Variants in PTPRD observed in about 807,000 individuals in gnomAD.
PTPRD encodes the protein receptor-type tyrosine-protein phosphatase delta.
PTPRD carries 34 observed loss-of-function variants against 214.5 expected under a neutral mutation model. That is an observed-to-expected ratio of 0.16 (90% CI 0.12 to 0.21). The LOEUF is 0.21. Among genes scored for constraint, PTPRD ranks in the 10% least tolerant of loss-of-function variants. The pLI is 1.00. For synonymous variants in PTPRD, 1,128 were observed against 845.7 expected, an observed-to-expected ratio of 1.33 and a Z score of -5.79; for missense variants, 2,545 against 2,398.7, an observed-to-expected ratio of 1.06 and a Z score of -1.27.
intron 7 of PTPRD, among the ~76,000 whole-genome samples, chr9:9,663,320 A>T (rs146514597): frequency 6.6e-6 from 1 of 151,658 alleles, no homozygotes; most frequent in East Asian, 1.9e-4. Context: ...AAATATCTAT[A>T]TTTATATGAA....
intron 3 of PTPRD, among the ~76,000 whole-genome samples, chr9:10,203,811 T>C (rs1319867648): frequency 6.6e-6 from 1 of 152,172 alleles, no homozygotes; most frequent in Non-Finnish European, 1.5e-5. Context: ...GGTAATAACA[T>C]ATAATTAAAA....
chr9:8,920,731 T>A (rs1455151216), intron 11 of PTPRD, among the ~76,000 whole-genome samples: 1 of 152,200 alleles, frequency 6.6e-6, no homozygotes, highest in Non-Finnish European at 1.5e-5. Flanking sequence ...TTACACGCAA[T>A]TGATATAAGA....
chr9:9,984,410 G>A (rs1401797373), intron 4 of PTPRD, among the ~76,000 whole-genome samples: 2 of 152,324 alleles, frequency 1.3e-5, no homozygotes, highest in East Asian at 3.9e-4. Context: ...TATTGGAGAA[G>A]ATGTAGTTGT....
In PTPRD at chr9:9,800,067, G is replaced by A. The variant is rs35772667; in HGVS notation, c.-367-33216C>T. 2.8e-4 allele frequency among the ~76,000 whole-genome samples: 42 copies of A among 152,218 alleles called. 1 individual carries two copies. Among genetic ancestry groups the A allele is most frequent in the Middle Eastern group, 3.4e-3 (1 of 294 alleles). On this transcript the variant is annotated intron_variant, in intron 5 of 45. Transcript: ENST00000381196. ...AATAATAATAAAATATTGAATTCCC[G>A]AAGAGATTTCTGTCAAAATAAGTAA...
In PTPRD at chr9:10,352,124, C is replaced by G. The variant is rs1022277424; in HGVS notation, c.-599-11107G>C. ...GTTCTAAAGCAAATCATATTTATCTCATTAACCTTTGGCAGGCAGTTCATT... is the reference window on the plus strand; with the variant it reads ...GTTCTAAAGCAAATCATATTTATCTGATTAACCTTTGGCAGGCAGTTCATT... On this transcript the variant is annotated intron_variant, in intron 2 of 45. Coordinates refer to ENST00000381196, the MANE Select transcript of PTPRD (RefSeq NM_002839.4). Among the ~76,000 whole-genome samples the G allele has an allele frequency of 4.6e-5, 7 of 151,994 alleles. 1 individual carries two copies. The East Asian group carries it at 1.2e-3, about 25-fold the overall frequency.
At chr9:10,443,928 G>A (rs2098779961) in intron 2 of PTPRD, among the ~76,000 whole-genome samples, 1 of 150,900 alleles carries the variant, frequency 6.6e-6, no homozygotes, top group Admixed American at 6.6e-5. Context: ...TTACTTGTTG[G>A]TGTCTCCTAT....
chr9:9,272,091 C>T (rs1046991056), intron 9 of PTPRD, among the ~76,000 whole-genome samples: 6 of 150,968 alleles, frequency 4.0e-5, no homozygotes, highest in Non-Finnish European at 8.9e-5. Context: ...CCCCATACTG[C>T]CTGCTGAGAC....
chr9:8,499,016 C>A (rs1243295093), intron 25 of PTPRD, among the ~76,000 whole-genome samples: 1 of 151,480 alleles, frequency 6.6e-6, no homozygotes, highest in Non-Finnish European at 1.5e-5. Flanking sequence ...CTCAACTACT[C>A]ATTTTTAGTA....
At chr9:9,487,314 A>G (rs946513047) in intron 8 of PTPRD, among the ~76,000 whole-genome samples, 1 of 147,860 alleles carries the variant, frequency 6.8e-6, no homozygotes, top group Middle Eastern at 3.5e-3. Flanking sequence ...TGTGGTGTTT[A>G]GTTTTTTGTC....
chr9:10,394,788 T>C (rs911090781), intron 2 of PTPRD, among the ~76,000 whole-genome samples: 22 of 34,380 alleles, frequency 6.4e-4, no homozygotes, highest in Non-Finnish European at 1.1e-3. Flanking sequence ...TTAAATAGAA[T>C]AAACGTCAAT....
chr9:10,166,792 C>T (rs1311300130), intron 3 of PTPRD, among the ~76,000 whole-genome samples: 1 of 152,026 alleles, frequency 6.6e-6, no homozygotes, highest in African/African-American at 2.4e-5. Flanking sequence ...TCAAGTTTTT[C>T]CACTATATCA....
chr9:8,733,722 T>A, intron 12 of PTPRD, 58 bp downstream of exon 12: 1 of 1,534,490 alleles, frequency 6.5e-7, no homozygotes. Context: ...TGGTGCCAAC[T>A]GCAAACAAAA....
At chr9:8,405,645 T>C (rs2092899487) in intron 35 of PTPRD, among the ~76,000 whole-genome samples, 2 of 152,176 alleles carry the variant, frequency 1.3e-5, no homozygotes, top group Non-Finnish European at 2.9e-5. Context: ...TATAATTTCA[T>C]TGTTATATGG....
chr9:8,758,859 G>T (rs1489801388), intron 11 of PTPRD, among the ~76,000 whole-genome samples: 1 of 151,144 alleles, frequency 6.6e-6, no homozygotes, highest in Non-Finnish European at 1.5e-5. Context: ...CTAATTTTTT[G>T]TATTTTTAAT....
At chr9:9,337,854 G>C (rs535523959) in intron 9 of PTPRD, among the ~76,000 whole-genome samples, 3 of 152,122 alleles carry the variant, frequency 2.0e-5, no homozygotes, top group African/African-American at 7.2e-5. Flanking sequence ...CTCACACTTT[G>C]TGCTTCTACC....
At chr9:8,757,504 A>G (rs1051127090) in intron 11 of PTPRD, among the ~76,000 whole-genome samples, 1 of 151,962 alleles carries the variant, frequency 6.6e-6, no homozygotes, top group African/African-American at 2.4e-5. Context: ...AGTAAAGCCA[A>G]TTTGTGGGAG....
At chr9:8,500,674 G>C (rs1210782658) in intron 24 of PTPRD, 80 bp downstream of exon 24, 2 of 1,226,956 alleles carry the variant, frequency 1.6e-6, no homozygotes, top group Non-Finnish European at 1.1e-6. Flanking sequence ...AGAGAAAAAA[G>C]ATTACTGTGA....
intron 5 of PTPRD, among the ~76,000 whole-genome samples, chr9:9,825,289 A>G (rs778508094): frequency 1.3e-5 from 2 of 151,876 alleles, no homozygotes; most frequent in African/African-American, 2.4e-5. Context: ...ATATATTTAA[A>G]TATACATTGG....
intron 10 of PTPRD, among the ~76,000 whole-genome samples, chr9:9,040,595 C>T (rs530678807): frequency 3.3e-5 from 5 of 151,764 alleles, no homozygotes; most frequent in African/African-American, 1.2e-4. Flanking sequence ...TTTTTCATAA[C>T]TGGTTTTGTA....
Sources: gnomAD v4.1 joint callset for allele counts (sites outside exome capture counted in the v4.1 genomes callset) on GRCh38, gnomAD v4.1.1 for gene constraint, MANE v1.5 for transcripts, NCBI Gene and HGNC (gene_info 2026-07-23, HGNC 2026-07-21) for gene names.